The following DLGAP2 variants were observed in gnomAD, a reference collection of about 807,000 sequenced individuals.
DLGAP2 encodes DLG associated protein 2.
DLGAP2 carries 26 observed loss-of-function variants against 100.3 expected under a neutral mutation model. The observed-to-expected ratio is 0.26, with a 90% CI of 0.19 to 0.36. The LOEUF is 0.36. Among genes scored for constraint, DLGAP2 ranks in the 10% least tolerant of loss-of-function variants. The probability of loss-of-function intolerance (pLI) is 1.00; values close to 1 mark genes in which losing one functional copy is unlikely to be tolerated. For missense variants in DLGAP2, 1,858 were observed against 1,453.2 expected (o/e 1.28, Z -4.53); for synonymous variants, 886 against 630.1 (o/e 1.41, Z -6.08).
At chr8:1,295,711 CCA>C (rs1172106659) in intron 3 of DLGAP2, among the ~76,000 whole-genome samples, 1 of 152,214 alleles carries the variant, frequency 6.6e-6, no homozygotes, top group East Asian at 1.9e-4. Flanking sequence ...ACTCCGGGCC[CCA>C]GTCTCTCTGT....
chr8:743,961 G>A (rs986317304), intron 1 of DLGAP2, among the ~76,000 whole-genome samples: 4 of 152,236 alleles, frequency 2.6e-5, no homozygotes, highest in Non-Finnish European at 4.4e-5. Flanking sequence ...GTGGATTCAC[G>A]TCGTGTGTCC....
At chr8:1,411,577 A>T (rs1316152645) in intron 3 of DLGAP2, among the ~76,000 whole-genome samples, 2 of 152,178 alleles carry the variant, frequency 1.3e-5, no homozygotes, top group Non-Finnish European at 2.9e-5. Context: ...GGTAACCGAA[A>T]TGCGGAACCT....
At chr8:817,636 C>G (rs1242194209) in intron 1 of DLGAP2, among the ~76,000 whole-genome samples, 1 of 152,196 alleles carries the variant, frequency 6.6e-6, no homozygotes, top group Non-Finnish European at 1.5e-5. Context: ...GCTGTTCAGA[C>G]TCTTTTCTCC....
At chr8:1,423,825 C>T (rs979678268) in intron 3 of DLGAP2, among the ~76,000 whole-genome samples, 5 of 152,176 alleles carry the variant, frequency 3.3e-5, no homozygotes, top group Admixed American at 2.6e-4. Flanking sequence ...GAAATTCGAG[C>T]AGGTTAATCC....
At chr8:1,109,180 G>A (rs540621149) in intron 2 of DLGAP2, among the ~76,000 whole-genome samples, 1 of 50,256 alleles carries the variant, frequency 2.0e-5, no homozygotes, top group African/African-American at 8.4e-5. Flanking sequence ...GGTGTGCATG[G>A]GTCTGTGAGG....
Position 840,648 on chromosome 8 carries a change from CACTCTGGATT to C in DLGAP2, c.19-67263_19-67254del, listed in dbSNP as rs1233976751. ...CGGTGCACGCCTGCATGTCTCCCTA[CACTCTGGATT>C]CTGCGAGCGCGTCCACACGGTGCAC... On this transcript the variant is annotated intron_variant, in intron 1 of 14. Coordinates refer to ENST00000637795, the MANE Select transcript of DLGAP2 (RefSeq NM_001346810.2). Among the ~76,000 whole-genome samples, 13 of 133,542 alleles carry C rather than the reference CACTCTGGATT, an allele frequency of 9.7e-5. 3 individuals carry two copies. The highest frequency in any genetic ancestry group is 2.0e-4 in the Non-Finnish European group (12 of 59,152). 87.6% of individuals were successfully genotyped at this position (133,542 alleles called of 152,430 possible). A position where few individuals can be genotyped will look rare whatever the true frequency, so the allele number is the denominator to read the frequency against.
chr8:770,168 C>A (rs529882742), intron 1 of DLGAP2, among the ~76,000 whole-genome samples: 1 of 152,130 alleles, frequency 6.6e-6, no homozygotes, highest in Non-Finnish European at 1.5e-5. Flanking sequence ...GATTCATTTG[C>A]ACAGCACAGT....
intron 1 of DLGAP2, among the ~76,000 whole-genome samples, chr8:807,574 T>C (rs1796292474): frequency 1.1e-5 from 1 of 90,220 alleles, no homozygotes; most frequent in Admixed American, 1.4e-4. Flanking sequence ...TTTCTTCTCA[T>C]TCATATGTTC....
intron 3 of DLGAP2, among the ~76,000 whole-genome samples, chr8:1,316,091 C>A (rs140613520): frequency 1.7e-5 from 2 of 120,360 alleles, no homozygotes; most frequent in Non-Finnish European, 3.6e-5. Context: ...CCACAGTGGT[C>A]TACACTCGAG....
intron 2 of DLGAP2, among the ~76,000 whole-genome samples, chr8:1,247,676 T>C (rs62489186): frequency 6.4e-4 from 5 of 7,760 alleles, no homozygotes; most frequent in South Asian, 5.4e-3. Context: ...TGATGGTCCA[T>C]GTTGGTGGCC....
At chr8:1,540,449 G>T (rs982665401) in intron 4 of DLGAP2, among the ~76,000 whole-genome samples, 3 of 152,146 alleles carry the variant, frequency 2.0e-5, no homozygotes, top group Non-Finnish European at 2.9e-5. Flanking sequence ...GGGAAAGGAA[G>T]GCAGGAAAAC....
At chr8:1,681,965 C>A (rs2469711) in intron 12 of DLGAP2, among the ~76,000 whole-genome samples, 1 of 140,712 alleles carries the variant, frequency 7.1e-6, no homozygotes, top group East Asian at 2.0e-4. Context: ...TGATCTGGGA[C>A]TGGGAGTCAC....
At chr8:1,181,158 G>C (rs1434184169) in intron 2 of DLGAP2, among the ~76,000 whole-genome samples, 3 of 87,940 alleles carry the variant, frequency 3.4e-5, no homozygotes, top group Admixed American at 1.2e-4. Context: ...GCTGTGCAAG[G>C]GCAGTACACT....
At chr8:1,497,141 T>A (rs1367853357) in intron 3 of DLGAP2, among the ~76,000 whole-genome samples, 1 of 152,118 alleles carries the variant, frequency 6.6e-6, no homozygotes. Context: ...GTTGCCGCGG[T>A]GAAAGACTGT....
chr8:742,568 G>T (rs1430665603), intron 1 of DLGAP2, among the ~76,000 whole-genome samples: 1 of 152,210 alleles, frequency 6.6e-6, no homozygotes, highest in Non-Finnish European at 1.5e-5. Context: ...GAGTGCACTG[G>T]CATGATCATA....
chr8:1,691,400 A>T, intron 12 of DLGAP2, 135 bp from the exon 13 acceptor site: 1 of 698,930 alleles, frequency 1.4e-6, no homozygotes, highest in Non-Finnish European at 2.4e-6. Context: ...TCACCAGCGA[A>T]CACGCTCGGC....
At chr8:1,006,716 A>G (rs796591432) in intron 2 of DLGAP2, among the ~76,000 whole-genome samples, 50 of 96,800 alleles carry the variant, frequency 5.2e-4, no homozygotes, top group Admixed American at 1.4e-3. Context: ...CCTTTATCAC[A>G]TCAGGGACAC....
Position 1,183,106 on chromosome 8 carries a change from G to C in DLGAP2, c.74-75745G>C, listed in dbSNP as rs1206048416. 2.0e-5 allele frequency among the ~76,000 whole-genome samples: 3 copies of C among 152,190 alleles called. No homozygotes were observed. The South Asian group carries it at 6.2e-4, about 32-fold the overall frequency. On this transcript the variant is annotated intron_variant, in intron 2 of 14. Transcript: ENST00000637795. The stretch of plus-strand genomic sequence containing the variant: ...GCTGGGATGACACAAATGCATTCAC[G>C]TTCGATTCCCTCGAGATGCCTTGTG...
chr8:1,069,643 G>A (rs6559209), intron 2 of DLGAP2, among the ~76,000 whole-genome samples: 11,576 of 152,130 alleles, frequency 0.076, 1,473 homozygotes, highest in African/African-American at 0.27. Flanking sequence ...AGCGTCATTA[G>A]AGTATAATAT....
Sources: allele counts gnomAD v4.1 joint callset (sites outside exome capture counted in the v4.1 genomes callset), GRCh38; gene constraint gnomAD v4.1.1; transcripts MANE v1.5; gene names NCBI Gene and HGNC (gene_info 2026-07-23, HGNC 2026-07-21).